Variants in CHRDL1 observed in about 807,000 individuals in gnomAD.
The protein encoded by CHRDL1 is chordin like 1.
A neutral mutation model predicts 40.9 loss-of-function variants in CHRDL1; 19 were observed. The ratio of observed to expected loss-of-function variants is 0.46; its 90% CI spans 0.32 to 0.68. The LOEUF (loss-of-function observed/expected upper bound fraction) is 0.68, where lower values mean the gene tolerates loss of function less well. Ranked by LOEUF, CHRDL1 falls within the 30% of genes least tolerant of loss-of-function variation. The pLI is 0.03. For synonymous variants in CHRDL1, 136 were observed against 123.4 expected (o/e 1.10, Z -0.68); for missense variants, 329 against 352.1 (o/e 0.93, Z 0.53).
At position 110,745,268 on chromosome X, in the gene CHRDL1, A is replaced by G. The variant is rs767812391; in HGVS notation, c.301+14393T>C. Among the ~76,000 whole-genome samples the G allele has an allele frequency of 3.6e-5, 4 of 111,683 alleles. No homozygotes were observed. In the East Asian group the frequency reaches 1.1e-3, roughly 32 times the overall value. ...GTAAGTGGCTGGGAGAGAGATGAGGATATGAGGGACTGCAAGAGAGGAAAG... is the reference window on the plus strand; with the variant it reads ...GTAAGTGGCTGGGAGAGAGATGAGGGTATGAGGGACTGCAAGAGAGGAAAG... On this transcript the variant is annotated intron_variant, in intron 4 of 11. Coordinates refer to ENST00000372042, the MANE Select transcript of CHRDL1 (RefSeq NM_001143981.2).
rs2089732148 is a variant in CHRDL1, at chrX:110,770,330, TG to T, written c.95-7524del. 3.8e-5 allele frequency among the ~76,000 whole-genome samples: 4 copies of T among 105,888 alleles called. No homozygotes were observed. In the South Asian group the frequency reaches 1.8e-3, roughly 48 times the overall value. The allele number at this position is 105,888 out of a possible 115,157, so 92.0% of individuals were successfully genotyped here. ...GGTAGCATATAAATAGTCTGTGGGTTGAAGAAGAAATCAATAGGAAATTAGA... is the reference window on the plus strand; with the variant it reads ...GGTAGCATATAAATAGTCTGTGGGTTAAGAAGAAATCAATAGGAAATTAGA... On this transcript the variant is annotated intron_variant, in intron 2 of 11. Transcript: ENST00000372042.
intron 4 of CHRDL1, among the ~76,000 whole-genome samples, chrX:110,724,843 C>T (rs760057678): frequency 7.4e-4 from 83 of 111,536 alleles, no homozygotes; most frequent in African/African-American, 2.3e-3. Flanking sequence ...AGGGCCAACA[C>T]AGCATGCTTC....
In CHRDL1 at chrX:110,689,064, ATATATATG is replaced by A. The variant is rs1162917694; in HGVS notation, c.779-269_779-262del. Among the ~76,000 whole-genome samples the A allele has an allele frequency of 3.9e-4, 6 of 15,513 alleles. No individual in the cohort carries two copies. The African/African-American group carries it at 7.2e-3, about 19-fold the overall frequency. The allele number at this position is 15,513 out of a possible 115,157, so 13.5% of individuals were successfully genotyped here. The stretch of plus-strand genomic sequence containing the variant: ...CAGACATAGTAGGCAGTCCATAAAT[ATATATATG>A]TATATATATATATATATATATATAT... On this transcript the variant is annotated intron_variant, in intron 8 of 11. Coordinates refer to ENST00000372042, the MANE Select transcript of CHRDL1 (RefSeq NM_001143981.2).
At chrX:110,756,260 T>C (rs956029084) in intron 4 of CHRDL1, among the ~76,000 whole-genome samples, 1 of 111,699 alleles carries the variant, frequency 9.0e-6, no homozygotes, top group South Asian at 3.7e-4. Flanking sequence ...TGGAATAAAA[T>C]ATAGAAGGAA....
intron 6 of CHRDL1, among the ~76,000 whole-genome samples, chrX:110,704,549 A>G (rs2070584166): frequency 9.0e-6 from 1 of 111,396 alleles, no homozygotes; most frequent in Non-Finnish European, 1.9e-5. Context: ...GGATTGAATG[A>G]GACTCCTACA....
At chrX:110,780,606 A>G (rs747288672) in intron 2 of CHRDL1, among the ~76,000 whole-genome samples, 5 of 111,480 alleles carry the variant, frequency 4.5e-5, no homozygotes, top group Non-Finnish European at 9.5e-5. Context: ...TCTTAATGCA[A>G]AATCTTAGAA....
intron 2 of CHRDL1, among the ~76,000 whole-genome samples, chrX:110,784,685 C>T (rs751030235): frequency 9.0e-6 from 1 of 111,603 alleles, no homozygotes; most frequent in Admixed American, 9.5e-5. Context: ...GCATGGCCCT[C>T]TCACTACTTG....
At chrX:110,714,061 T>G (rs897825650) in intron 6 of CHRDL1, among the ~76,000 whole-genome samples, 1 of 110,340 alleles carries the variant, frequency 9.1e-6, no homozygotes, top group Non-Finnish European at 1.9e-5. Context: ...AAAAAAAACT[T>G]TTATTTTAGG....
intron 4 of CHRDL1, among the ~76,000 whole-genome samples, chrX:110,735,492 T>C (rs2148481423): frequency 8.9e-6 from 1 of 112,152 alleles, no homozygotes; most frequent in South Asian, 3.7e-4. Context: ...CGCCATCTCA[T>C]GGACACTATT....
intron 6 of CHRDL1, among the ~76,000 whole-genome samples, chrX:110,712,444 T>C (rs2070763074): frequency 9.0e-6 from 1 of 111,627 alleles, no homozygotes. Flanking sequence ...ATGTGTGTGT[T>C]GGTGTCAGAG....
At chrX:110,722,783 T>C (rs1038748817) in intron 4 of CHRDL1, among the ~76,000 whole-genome samples, 2 of 111,408 alleles carry the variant, frequency 1.8e-5, no homozygotes, top group African/African-American at 6.5e-5. Context: ...CAACCAGAGC[T>C]TGGAAAGTGC....
intron 9 of CHRDL1, 126 bp downstream of exon 9, chrX:110,688,468 T>A: frequency 2.0e-6 from 1 of 506,865 alleles, no homozygotes; most frequent in South Asian, 3.3e-5. Context: ...AGAATGAAAT[T>A]CATTATTATT....
intron 6 of CHRDL1, among the ~76,000 whole-genome samples, chrX:110,707,328 A>G (rs1172462979): frequency 8.9e-6 from 1 of 111,997 alleles, no homozygotes; most frequent in Admixed American, 9.5e-5. Context: ...GAGCCCATAT[A>G]GCCAGGACAA....
chrX:110,768,558 A>T (rs1446271477), intron 2 of CHRDL1, among the ~76,000 whole-genome samples: 1 of 111,085 alleles, frequency 9.0e-6, no homozygotes, highest in African/African-American at 3.3e-5. Context: ...CAAGGCCAGA[A>T]AAAGCAGGTA....
At chrX:110,762,304 T>A (rs2089576980) in intron 3 of CHRDL1, among the ~76,000 whole-genome samples, 1 of 111,815 alleles carries the variant, frequency 8.9e-6, no homozygotes, top group Non-Finnish European at 1.9e-5. Flanking sequence ...TGAGATAGGG[T>A]CTTGTTCTGT....
At chrX:110,768,002 A>G (rs73528275) in intron 2 of CHRDL1, among the ~76,000 whole-genome samples, 2,806 of 112,365 alleles carry the variant, frequency 0.025, 86 homozygotes, top group African/African-American at 0.085. Flanking sequence ...ATAGTCAGCA[A>G]TACAAAATTT....
intron 4 of CHRDL1, among the ~76,000 whole-genome samples, chrX:110,723,628 A>T (rs906611572): frequency 1.8e-5 from 2 of 111,688 alleles, no homozygotes; most frequent in African/African-American, 6.5e-5. Context: ...AGTGCCAATC[A>T]CTTCAAACCT....
At chrX:110,690,727 T>C (rs1464645181) in intron 8 of CHRDL1, among the ~76,000 whole-genome samples, 1 of 111,413 alleles carries the variant, frequency 9.0e-6, no homozygotes, top group Non-Finnish European at 1.9e-5. Flanking sequence ...CCCTCCTGGG[T>C]AACTTGTGAA....
intron 8 of CHRDL1, 83 bp downstream of exon 8, chrX:110,694,065 TTCCTGGGAGAAAGGG>T (rs1373713039): frequency 3.0e-5 from 20 of 665,422 alleles, no homozygotes; most frequent in Non-Finnish European, 4.4e-5. Context: ...ATATGGGCTA[TTCCTGGGAGAAAGGG>T]TCCTTTCCCA....
Sources: allele counts gnomAD v4.1 joint callset (sites outside exome capture counted in the v4.1 genomes callset), GRCh38; gene constraint gnomAD v4.1.1; transcripts MANE v1.5; gene names NCBI Gene and HGNC (gene_info 2026-07-23, HGNC 2026-07-21).